The following ZNF215 variants were observed in gnomAD, a reference collection of about 807,000 sequenced individuals.
ZNF215 encodes the protein zinc finger protein 215, also known as BWSCR2-associated zinc finger protein 2.
ZNF215 carries 24 observed loss-of-function variants against 27.2 expected under a neutral mutation model. The ratio of observed to expected loss-of-function variants is 0.88; its 90% CI spans 0.64 to 1.24. The LOEUF (loss-of-function observed/expected upper bound fraction) is 1.24, where lower values mean the gene tolerates loss of function less well. Among genes scored for constraint, ZNF215 ranks in the 50% most tolerant of loss-of-function variants. The probability of loss-of-function intolerance (pLI) is 0.00; values close to 1 mark genes in which losing one functional copy is unlikely to be tolerated. For missense variants in ZNF215, 675 were observed against 605.7 expected (o/e 1.11, Z -1.20); for synonymous variants, 210 against 204.0 (o/e 1.03, Z -0.25).
chr11:6,973,724 A>T (rs10839669), intron 5 of ZNF215, among the ~76,000 whole-genome samples: 2 of 152,170 alleles, frequency 1.3e-5, no homozygotes, highest in Admixed American at 6.5e-5. Flanking sequence ...CATATCCTTC[A>T]CCCACTTGTT....
At chr11:6,940,186 C>G (rs955790415) in intron 3 of ZNF215, among the ~76,000 whole-genome samples, 8 of 150,362 alleles carry the variant, frequency 5.3e-5, no homozygotes, top group Non-Finnish European at 8.9e-5. Context: ...TGAGGTGTGA[C>G]TGTGCCATAC....
chr11:6,932,006 T>C (rs552228538), intron 2 of ZNF215, 88 bp from the exon 3 acceptor site: 1 of 327,620 alleles, frequency 3.1e-6, no homozygotes, highest in South Asian at 1.1e-4. Flanking sequence ...AATATGCATT[T>C]TTCTTAGGCA....
At chr11:6,994,205 T>TG (rs1554948443) in intron 6 of ZNF215, among the ~76,000 whole-genome samples, 2 of 149,874 alleles carry the variant, frequency 1.3e-5, no homozygotes, top group Non-Finnish European at 3.0e-5. Context: ...ATATATTATA[T>TG]ATTAATACCA....
Position 6,982,203 on chromosome 11 carries a change from A to G in ZNF215, c.806-1926A>G, listed in dbSNP as rs182907633. Among the ~76,000 whole-genome samples, 205 of 152,194 alleles carry G rather than the reference A, an allele frequency of 1.3e-3. 2 individuals carry two copies. Among genetic ancestry groups the G allele is most frequent in the African/African-American group, 4.7e-3 (194 of 41,530 alleles). ...GAGTCTATAAATTACCCGGGGCAGTATGGCCATTTTCATGATATATGCACC... is the reference window on the plus strand; with the variant it reads ...GAGTCTATAAATTACCCGGGGCAGTGTGGCCATTTTCATGATATATGCACC... On this transcript the variant is annotated intron_variant, in intron 5 of 5. Transcript: ENST00000529903.
At chr11:6,953,689 T>C (rs1850190496) in intron 6 of ZNF215, among the ~76,000 whole-genome samples, 1 of 152,252 alleles carries the variant, frequency 6.6e-6, no homozygotes, top group Non-Finnish European at 1.5e-5. Context: ...AATTTCCTCC[T>C]GTAGCTTGAA....
chr11:6,968,358 A>G (rs1054520031), intron 5 of ZNF215, among the ~76,000 whole-genome samples: 1 of 152,158 alleles, frequency 6.6e-6, no homozygotes, highest in African/African-American at 2.4e-5. Flanking sequence ...AGCACTGAAT[A>G]TATAAATTAC....
At chr11:6,930,007 G>A (rs184157352) in intron 2 of ZNF215, among the ~76,000 whole-genome samples, 2 of 151,366 alleles carry the variant, frequency 1.3e-5, no homozygotes, top group East Asian at 3.9e-4. Flanking sequence ...CTAATATTCT[G>A]TTGCTTATAT....
intron 5 of ZNF215, among the ~76,000 whole-genome samples, chr11:6,963,960 GT>G (rs1011196689): frequency 2.2e-4 from 33 of 151,930 alleles, no homozygotes; most frequent in Non-Finnish European, 4.3e-4. Context: ...GTTAATCCGG[GT>G]TTTTTAAATG....
rs141947188 is a variant in ZNF215 at position 6,932,638 on chromosome 11, C to T, written c.366C>T (p.Leu122=). 2.9e-4 allele frequency: 475 copies of T among 1,612,848 alleles called. 1 individual carries two copies. The highest frequency in any genetic ancestry group is 9.9e-4 in the Middle Eastern group (6 of 6,058). Residue 122 remains leucine (L), a synonymous_variant, in exon 3 of 7, where the codon CTC becomes CTT. Transcript: ENST00000278319. ...HPNNSKDMVT[L]IEDVIEMLED... ...ACAACAGTAAAGATATGGTGACCCT[C>T]ATAGAAGATGTGATTGAAATGCTTG...
At position 6,956,261 on chromosome 11, in the gene ZNF215, T is replaced by G. The variant is rs779168194; in HGVS notation, c.1284T>G (p.Leu428=). The stretch of plus-strand genomic sequence containing the variant: ...CAAACCTTACTAAGCATCAAAAACT[T>G]CATGCTGAAGCAAAGGCCTGCACAA... ...RRTNLTKHQK[L]HAEAKACTSN... The change falls in exon 7 of 7, where the codon CTT becomes CTG. Residue 428 remains leucine (L), a synonymous_variant. Transcript: ENST00000278319. The G allele has an allele frequency of 6.2e-7, 1 of 1,613,918 alleles. No individual in the cohort carries two copies. The highest frequency in any genetic ancestry group is 1.7e-5 in the Admixed American group (1 of 59,990).
chr11:6,937,422 A>G (rs1235126810), intron 3 of ZNF215, among the ~76,000 whole-genome samples: 1 of 151,714 alleles, frequency 6.6e-6, no homozygotes, highest in Non-Finnish European at 1.5e-5. Flanking sequence ...TTAATATCAT[A>G]AAGATAACAC....
At chr11:6,926,900 G>A (rs965418798) in intron 1 of ZNF215, 1 of 151,868 alleles carries the variant, frequency 6.6e-6, no homozygotes, top group Admixed American at 6.6e-5. Flanking sequence ...GCGAGCTGAC[G>A]GGAGGGATGG....
chr11:6,975,105 G>A (rs1850803727), intron 5 of ZNF215, among the ~76,000 whole-genome samples: 1 of 152,014 alleles, frequency 6.6e-6, no homozygotes, highest in Non-Finnish European at 1.5e-5. Flanking sequence ...AGCATGAAGC[G>A]CTGTTGAATT....
intron 6 of ZNF215, among the ~76,000 whole-genome samples, chr11:6,954,168 C>A (rs1850214962): frequency 6.7e-6 from 1 of 149,410 alleles, no homozygotes; most frequent in Non-Finnish European, 1.5e-5. Context: ...GCCAGTTAGG[C>A]TGCTCGGGGG....
chr11:6,976,082 T>G (rs1850829018), intron 5 of ZNF215, among the ~76,000 whole-genome samples: 1 of 152,096 alleles, frequency 6.6e-6, no homozygotes, highest in Non-Finnish European at 1.5e-5. Flanking sequence ...TGATTTGCAT[T>G]TCTCTGATCA....
chr11:6,983,014 G>A (rs1590089409), intron 5 of ZNF215, among the ~76,000 whole-genome samples: 1 of 149,870 alleles, frequency 6.7e-6, no homozygotes, highest in Admixed American at 6.7e-5. Flanking sequence ...CCACTAGCAA[G>A]ACTAATAAAG....
At chr11:6,985,716 A>G (rs1190305575), downstream of ZNF215, among the ~76,000 whole-genome samples, 2 of 152,198 alleles carry the variant, frequency 1.3e-5, no homozygotes, top group Non-Finnish European at 2.9e-5. Flanking sequence ...ATGTACAGAA[A>G]TCAGTAGCAT....
At chr11:6,983,236 T>C (rs1276530942) in intron 5 of ZNF215, among the ~76,000 whole-genome samples, 1 of 152,112 alleles carries the variant, frequency 6.6e-6, no homozygotes, top group Admixed American at 6.6e-5. Context: ...AATAGACCAA[T>C]AACAGGCTCT....
intron 6 of ZNF215, among the ~76,000 whole-genome samples, chr11:6,949,494 G>A: frequency 6.6e-6 from 1 of 152,128 alleles, no homozygotes; most frequent in Non-Finnish European, 1.5e-5. Context: ...TTTCTCTGAT[G>A]GCCAGTGATG....
Sources: gnomAD v4.1 joint callset for allele counts (sites outside exome capture counted in the v4.1 genomes callset) on GRCh38, gnomAD v4.1.1 for gene constraint, MANE v1.5 for transcripts, NCBI Gene and HGNC (gene_info 2026-07-23, HGNC 2026-07-21) for gene names.